The following PINX1 variants were observed in gnomAD, a reference collection of about 807,000 sequenced individuals.
PINX1 encodes PIN2 (TERF1) interacting telomerase inhibitor 1, also known as PIN2/TERF1-interacting telomerase inhibitor 1.
Under a neutral mutation model 25.4 loss-of-function variants are expected in PINX1, and 34 were observed. The observed-to-expected ratio is 1.34, with a 90% CI of 1.02 to 1.78. The LOEUF is 1.78. PINX1 is among the 40% of genes most tolerant of loss of function. PINX1 has a pLI of 0.00. For missense variants in PINX1, 592 were observed against 404.9 expected (o/e 1.46, Z -3.97); for synonymous variants, 197 against 147.7 (o/e 1.33, Z -2.42).
intron 6 of PINX1, among the ~76,000 whole-genome samples, chr8:10,813,416 G>C (rs780195311): frequency 1.3e-5 from 2 of 152,124 alleles, no homozygotes; most frequent in African/African-American, 4.8e-5. Flanking sequence ...TCCCCATGAG[G>C]AACTTAAGGC....
At chr8:10,792,991 C>T (rs991540302) in intron 6 of PINX1, among the ~76,000 whole-genome samples, 2 of 152,134 alleles carry the variant, frequency 1.3e-5, no homozygotes, top group East Asian at 1.9e-4. Flanking sequence ...GTCTTGTTGC[C>T]ACTTCCATGG....
At chr8:10,805,872 A>C (rs1033413547) in intron 6 of PINX1, among the ~76,000 whole-genome samples, 2 of 113,266 alleles carry the variant, frequency 1.8e-5, no homozygotes, top group Admixed American at 8.3e-5. Flanking sequence ...GACGGAGCAC[A>C]GGAAGGGGCC....
chr8:10,797,038 A>G (rs1802105014), intron 6 of PINX1, among the ~76,000 whole-genome samples: 1 of 152,032 alleles, frequency 6.6e-6, no homozygotes, highest in African/African-American at 2.4e-5. Context: ...CACAGCTTGA[A>G]TGGAAGCTGA....
At chr8:10,766,480 A>G (rs1387902899) in intron 6 of PINX1, among the ~76,000 whole-genome samples, 7 of 152,132 alleles carry the variant, frequency 4.6e-5, no homozygotes, top group East Asian at 1.9e-4. Context: ...TTCTCCCCCA[A>G]AGGTGGAGCG....
chr8:10,778,014 C>T (rs949407987), intron 6 of PINX1, among the ~76,000 whole-genome samples: 18 of 152,318 alleles, frequency 1.2e-4, no homozygotes, highest in African/African-American at 3.4e-4. Context: ...GGCTATGGGA[C>T]ACTCCTCCAA....
intron 6 of PINX1, among the ~76,000 whole-genome samples, chr8:10,810,515 T>C (rs1229466721): frequency 6.6e-6 from 1 of 152,206 alleles, no homozygotes; most frequent in East Asian, 1.9e-4. Context: ...TCAAGGCATA[T>C]TTCAACAGAT....
intron 6 of PINX1, among the ~76,000 whole-genome samples, chr8:10,814,657 A>G (rs1359865103): frequency 6.6e-6 from 1 of 152,256 alleles, no homozygotes; most frequent in Non-Finnish European, 1.5e-5. Context: ...CTCTCAGAGA[A>G]GAAATACTTA....
At chr8:10,836,180 A>G (rs76785757) in intron 1 of PINX1, among the ~76,000 whole-genome samples, 12,543 of 152,190 alleles carry the variant, frequency 0.082, 740 homozygotes, top group Non-Finnish European at 0.13. Context: ...GCCCATAACT[A>G]TGCACACTCC....
intron 6 of PINX1, chr8:10,787,804 C>T (rs966367968): frequency 8.8e-6 from 4 of 455,482 alleles, no homozygotes; most frequent in African/African-American, 8.0e-5. Flanking sequence ...GACAAGGAAT[C>T]CAAGGTGACT....
rs543857036 is a variant in PINX1 at position 10,820,714 on chromosome 8, C to G, written c.395-445G>C. On this transcript the variant is annotated intron_variant, in intron 5 of 6. Coordinates refer to ENST00000314787, the MANE Select transcript of PINX1 (RefSeq NM_017884.6). ...ATCACTAGATACACAGCTCCAGACCCCACATATGCACATGAATGAGAACGT... is the reference window on the plus strand; with the variant it reads ...ATCACTAGATACACAGCTCCAGACCGCACATATGCACATGAATGAGAACGT... 6.6e-5 allele frequency among the ~76,000 whole-genome samples: 10 copies of G among 152,204 alleles called. No homozygotes were observed. In the East Asian group the frequency reaches 1.9e-3, roughly 29 times the overall value.
At chr8:10,833,392 T>G (rs1798286120) in intron 2 of PINX1, 1 of 156,972 alleles carries the variant, frequency 6.4e-6, no homozygotes, top group Non-Finnish European at 1.4e-5. Flanking sequence ...TGACATGATC[T>G]AATTTCCATA....
At chr8:10,777,477 C>T (rs1399170359) in intron 6 of PINX1, among the ~76,000 whole-genome samples, 1 of 152,212 alleles carries the variant, frequency 6.6e-6, no homozygotes, top group African/African-American at 2.4e-5. Context: ...GGCACCTTAT[C>T]AGCTTTTCCT....
At chr8:10,833,104 T>G in intron 2 of PINX1, 120 bp from the exon 3 acceptor site, 1 of 595,154 alleles carries the variant, frequency 1.7e-6, no homozygotes, top group Non-Finnish European at 3.0e-6. Flanking sequence ...TTCTCTCCAT[T>G]AAATACTTTC....
intron 6 of PINX1, among the ~76,000 whole-genome samples, chr8:10,812,424 T>G (rs1184808981): frequency 6.6e-6 from 1 of 152,186 alleles, no homozygotes. Flanking sequence ...AGGGCTTGAA[T>G]GCATTTAGCT....
chr8:10,810,120 G>C (rs1167816614), intron 6 of PINX1, among the ~76,000 whole-genome samples: 1 of 152,194 alleles, frequency 6.6e-6, no homozygotes, highest in Non-Finnish European at 1.5e-5. Context: ...ATCAAGTCAT[G>C]CATAAGGGAT....
rs549599939 is a variant in PINX1, at chr8:10,790,516, G to A, written c.472-24600C>T. 2.0e-5 allele frequency among the ~76,000 whole-genome samples: 3 copies of A among 152,220 alleles called. No homozygotes were observed. In the South Asian group the frequency reaches 6.2e-4, roughly 32 times the overall value. On this transcript the variant is annotated intron_variant, in intron 6 of 6. Coordinates refer to ENST00000314787, the MANE Select transcript of PINX1 (RefSeq NM_017884.6). ...CCTGCCGTGCGCTCCTCTCCCAGGAGCCGTGTCACCATCCATCCAAGCTGT... is the reference window on the plus strand; with the variant it reads ...CCTGCCGTGCGCTCCTCTCCCAGGAACCGTGTCACCATCCATCCAAGCTGT...
chr8:10,799,332 C>T (rs569688356), intron 6 of PINX1, among the ~76,000 whole-genome samples: 4 of 152,134 alleles, frequency 2.6e-5, no homozygotes, highest in Admixed American at 1.3e-4. Context: ...TCATGCTTCA[C>T]GTGTTTGCTG....
At chr8:10,780,514 C>T (rs1331904125) in intron 6 of PINX1, among the ~76,000 whole-genome samples, 1 of 152,014 alleles carries the variant, frequency 6.6e-6, no homozygotes, top group Non-Finnish European at 1.5e-5. Flanking sequence ...CATTGACTGA[C>T]TTACACAGTT....
At chr8:10,777,859 G>A (rs1309451465) in intron 6 of PINX1, among the ~76,000 whole-genome samples, 1 of 152,184 alleles carries the variant, frequency 6.6e-6, no homozygotes, top group Non-Finnish European at 1.5e-5. Context: ...CAGATACTCC[G>A]TGGAAAGACT....
Sources: allele counts gnomAD v4.1 joint callset (sites outside exome capture counted in the v4.1 genomes callset), GRCh38; gene constraint gnomAD v4.1.1; transcripts MANE v1.5; gene names NCBI Gene and HGNC (gene_info 2026-07-23, HGNC 2026-07-21).